Variants in TENM4 observed in about 807,000 individuals in gnomAD.
TENM4 encodes the protein teneurin transmembrane protein 4.
A neutral mutation model predicts 243.3 loss-of-function variants in TENM4; 82 were observed. That is an observed-to-expected ratio of 0.34 (90% CI 0.28 to 0.40). The LOEUF is 0.40. Ranked by LOEUF, TENM4 falls within the 10% of genes least tolerant of loss-of-function variation. TENM4 has a pLI of 1.00. For synonymous variants in TENM4, 1,412 were observed against 1,456.3 expected, an observed-to-expected ratio of 0.97 and a Z score of 0.69; for missense variants, 3,138 against 3,673.3, an observed-to-expected ratio of 0.85 and a Z score of 3.77.
intron 28 of TENM4, among the ~76,000 whole-genome samples, chr11:78,689,246 C>T (rs1241139515): frequency 6.6e-6 from 1 of 152,194 alleles, no homozygotes; most frequent in Non-Finnish European, 1.5e-5. Context: ...ATTTCTGTAC[C>T]GTCCATTTGC....
intron 24 of TENM4, 144 bp downstream of exon 24, chr11:78,722,524 G>A: frequency 9.0e-7 from 1 of 1,114,588 alleles, no homozygotes; most frequent in Non-Finnish European, 1.3e-6. Context: ...ACCTGCTTGA[G>A]CTGGGAGGTG....
At chr11:79,208,493 C>A (rs966112967) in intron 3 of TENM4, among the ~76,000 whole-genome samples, 1 of 152,180 alleles carries the variant, frequency 6.6e-6, no homozygotes, top group Non-Finnish European at 1.5e-5. Context: ...CAGATACTGA[C>A]CATGCTACAG....
chr11:79,080,406 G>A (rs1860637791), intron 4 of TENM4, among the ~76,000 whole-genome samples: 1 of 152,254 alleles, frequency 6.6e-6, no homozygotes. Flanking sequence ...GGGGGGCACT[G>A]CATCAGGTGG....
intron 1 of TENM4, among the ~76,000 whole-genome samples, chr11:79,381,464 G>C (rs1035429823): frequency 2.0e-5 from 3 of 151,752 alleles, no homozygotes; most frequent in Non-Finnish European, 4.4e-5. Context: ...ACAGGACCTA[G>C]CCCTGTGTTT....
intron 6 of TENM4, among the ~76,000 whole-genome samples, chr11:78,946,020 C>T (rs753431842): frequency 1.3e-5 from 2 of 152,196 alleles, no homozygotes; most frequent in Non-Finnish European, 2.9e-5. Flanking sequence ...GAAACTGCAG[C>T]AAGTTATCCA....
intron 6 of TENM4, among the ~76,000 whole-genome samples, chr11:78,913,322 T>C (rs77798637): frequency 0.013 from 1,912 of 152,268 alleles, 40 homozygotes; most frequent in African/African-American, 0.044. Context: ...TTTCTGCCTG[T>C]AAAATCTGAA....
At chr11:79,103,913 A>T (rs1861297334) in intron 4 of TENM4, among the ~76,000 whole-genome samples, 2 of 152,328 alleles carry the variant, frequency 1.3e-5, no homozygotes, top group South Asian at 2.1e-4. Flanking sequence ...GACCAAATGA[A>T]TATTAGAATA....
intron 1 of TENM4, among the ~76,000 whole-genome samples, chr11:79,341,242 T>TTGTGGGAA (rs1386448403): frequency 1.3e-5 from 2 of 152,140 alleles, no homozygotes; most frequent in Non-Finnish European, 2.9e-5. Context: ...GGCACTCAGT[T>TTGTGGGAA]TGTGGGAATG....
chr11:79,245,835 G>C (rs1247845206), intron 2 of TENM4, among the ~76,000 whole-genome samples: 1 of 151,320 alleles, frequency 6.6e-6, no homozygotes, highest in Non-Finnish European at 1.5e-5. Context: ...AGCTACTCGG[G>C]AGGTTGAGAC....
intron 6 of TENM4, among the ~76,000 whole-genome samples, chr11:79,055,200 T>A (rs1421047388): frequency 1.3e-5 from 2 of 152,132 alleles, no homozygotes; most frequent in African/African-American, 4.8e-5. Context: ...GCCATACACT[T>A]TATTCTGCTT....
intron 4 of TENM4, among the ~76,000 whole-genome samples, chr11:79,073,488 A>G (rs548263285): frequency 4.3e-4 from 66 of 152,338 alleles, no homozygotes; most frequent in African/African-American, 1.4e-3. Context: ...GCATGAATGA[A>G]ACTACTTGGC....
intron 3 of TENM4, among the ~76,000 whole-genome samples, chr11:79,159,744 G>T (rs1392308452): frequency 6.6e-6 from 1 of 152,012 alleles, no homozygotes; most frequent in Non-Finnish European, 1.5e-5. Flanking sequence ...TTTGACTACT[G>T]GTTCACTCAC....
At chr11:79,005,713 C>G (rs1858463533) in intron 6 of TENM4, among the ~76,000 whole-genome samples, 1 of 152,140 alleles carries the variant, frequency 6.6e-6, no homozygotes, top group African/African-American at 2.4e-5. Context: ...CTCACCACTC[C>G]TATCCAACAC....
At chr11:78,783,828 A>C (rs945795425) in intron 16 of TENM4, among the ~76,000 whole-genome samples, 5 of 152,230 alleles carry the variant, frequency 3.3e-5, no homozygotes, top group African/African-American at 1.2e-4. Flanking sequence ...CTCCAAAAGA[A>C]GATATTTAAT....
At chr11:78,843,179 G>A (rs1285044532) in intron 12 of TENM4, among the ~76,000 whole-genome samples, 1 of 152,200 alleles carries the variant, frequency 6.6e-6, no homozygotes, top group African/African-American at 2.4e-5. Context: ...TTGGGAGGCT[G>A]AGGCAAGAGA....
chr11:79,025,166 C>T (rs1859041898), intron 6 of TENM4, among the ~76,000 whole-genome samples: 1 of 152,182 alleles, frequency 6.6e-6, no homozygotes, highest in Non-Finnish European at 1.5e-5. Flanking sequence ...CTGTCTCTCA[C>T]ACTAGCCTGA....
intron 2 of TENM4, among the ~76,000 whole-genome samples, chr11:79,265,483 C>G (rs2135334037): frequency 1.3e-5 from 2 of 152,302 alleles, no homozygotes; most frequent in Admixed American, 1.3e-4. Context: ...AAACAAATTA[C>G]ATGTCGAAAT....
Position 79,034,292 on chromosome 11 carries a change from C to T in TENM4, c.493+30446G>A, listed in dbSNP as rs138155230. ...GTGTACAGTGGTTGGACCACTTCTG[C>T]ATGTCAGTTTCTGAGTTCACTGTCT... On this transcript the variant is annotated intron_variant, in intron 6 of 33. Coordinates refer to ENST00000278550, the MANE Select transcript of TENM4 (RefSeq NM_001098816.3). Among the ~76,000 whole-genome samples the T allele has an allele frequency of 9.8e-5, 15 of 152,330 alleles. No individual in the cohort carries two copies. The East Asian group carries it at 2.9e-3, about 29-fold the overall frequency.
chr11:78,937,764 A>G (rs1431792112), intron 6 of TENM4, among the ~76,000 whole-genome samples: 4 of 152,204 alleles, frequency 2.6e-5, no homozygotes, highest in African/African-American at 9.7e-5. Context: ...CAAACAGGCC[A>G]GTTTTAGCCA....
Sources: gnomAD v4.1 joint callset for allele counts (sites outside exome capture counted in the v4.1 genomes callset) on GRCh38, gnomAD v4.1.1 for gene constraint, MANE v1.5 for transcripts, NCBI Gene and HGNC (gene_info 2026-07-23, HGNC 2026-07-21) for gene names.